TNC: variants seen among roughly 807,000 people sequenced by gnomAD.
The protein encoded by TNC is tenascin.
In TNC, 109 loss-of-function variants were observed where a neutral mutation model predicts 202.4. The ratio of observed to expected loss-of-function variants is 0.54; its 90% CI spans 0.46 to 0.63. The LOEUF is 0.63. TNC is among the 30% of genes least tolerant of loss of function. The pLI, the probability that TNC is intolerant of heterozygous loss-of-function variation, is 0.00. For synonymous variants in TNC, 1,007 were observed against 1,089.7 expected, an observed-to-expected ratio of 0.92 and a Z score of 1.50; for missense variants, 2,756 against 2,833.3, an observed-to-expected ratio of 0.97 and a Z score of 0.62.
At chr9:115,074,533 A>T (rs1564098300) in intron 9 of TNC, among the ~76,000 whole-genome samples, 1 of 152,224 alleles carries the variant, frequency 6.6e-6, no homozygotes, top group African/African-American at 2.4e-5. Context: ...ACTTGGTCTA[A>T]GGTATTCTTA....
intron 15 of TNC, chr9:115,053,005 T>G: frequency 1.4e-6 from 1 of 699,074 alleles, no homozygotes; most frequent in Non-Finnish European, 2.6e-6. Context: ...TGCCCAACTG[T>G]GGCTTTGGTT....
rs925539509 is a variant in TNC, at chr9:115,086,370, C to G, written c.1361G>C (p.Cys454Ser). The part of the protein sequence containing the change: ...HSRGRCVEGK[C>S]VCEQGFKGYD... The stretch of plus-strand genomic sequence containing the variant: ...GCCCTTGAAGCCTTGCTCACATACA[C>G]ATTTGCCCTCGACACAGCGGCCCCG... Residue 454 changes from cysteine (C) to serine (S), a missense_variant, in exon 3 of 28, where the codon TGT becomes TCT. Cys to Ser is a moderately radical substitution (Grantham distance 112). Around this residue, in one of 2 missense-constraint regions of TNC, gnomAD observed 2,559 missense variants for 2,546.0 expected, o/e 1.01. Transcript: ENST00000350763. 1.9e-6 allele frequency: 3 copies of G among 1,614,188 alleles called. No individual in the cohort carries two copies. In the Admixed American group the frequency reaches 5.0e-5, roughly 27 times the overall value.
At chr9:115,031,321 C>G (rs1829929752) in intron 23 of TNC, among the ~76,000 whole-genome samples, 1 of 152,184 alleles carries the variant, frequency 6.6e-6, no homozygotes, top group Admixed American at 6.5e-5. Context: ...TAAGGCACAC[C>G]TAGCAGGTGA....
At chr9:115,072,859 T>C (rs1007412291) in intron 10 of TNC, among the ~76,000 whole-genome samples, 10 of 152,202 alleles carry the variant, frequency 6.6e-5, no homozygotes, top group African/African-American at 2.4e-4. Context: ...GTGGCCAAAA[T>C]TGAATAGGCT....
chr9:115,020,512 A>C lies in TNC; in HGVS notation c.*645T>G, dbSNP rs960064061. 1 of 212,978 alleles carries C rather than the reference A, an allele frequency of 4.7e-6. No individual in the cohort carries two copies. The highest frequency in any genetic ancestry group is 2.3e-5 in the African/African-American group (1 of 42,922). 13.2% of individuals were successfully genotyped at this position (212,978 alleles called of 1,614,324 possible). On this transcript the variant is annotated 3_prime_UTR_variant, in exon 28 of 28. Transcript: ENST00000350763. The stretch of plus-strand genomic sequence containing the variant: ...GGCTTTGGTGAAATTCAGACTCAAC[A>C]ATTCAAAGCAAAATAACAAACTCAA...
Position 115,087,281 on chromosome 9 carries a change from A to G in TNC, c.458-8T>C, listed in dbSNP as rs1834841655. ...GCCTGGTGTCCAAGCGGCCTGCAACAAAAGAAACAGAAGTTCTCAGCCAGG... is the reference window on the plus strand; with the variant it reads ...GCCTGGTGTCCAAGCGGCCTGCAACGAAAGAAACAGAAGTTCTCAGCCAGG... On this transcript the variant is annotated splice_polypyrimidine_tract_variant and splice_region_variant and intron_variant, in intron 2 of 27. Transcript: ENST00000350763. 1 of 1,609,100 alleles carries G rather than the reference A, an allele frequency of 6.2e-7. No homozygotes were observed. The highest frequency in any genetic ancestry group is 1.1e-5 in the South Asian group (1 of 91,020).
chr9:115,034,119 G>C (rs920591553), intron 22 of TNC, among the ~76,000 whole-genome samples: 3 of 152,204 alleles, frequency 2.0e-5, no homozygotes, highest in Non-Finnish European at 4.4e-5. Context: ...GTAGGCTGAG[G>C]TTTACTCTCT....
At chr9:115,073,168 A>C (rs1307788825) in intron 10 of TNC, among the ~76,000 whole-genome samples, 4 of 152,254 alleles carry the variant, frequency 2.6e-5, no homozygotes, top group African/African-American at 4.8e-5. Context: ...TTTGTAGAAA[A>C]TAACAACAAC....
intron 10 of TNC, among the ~76,000 whole-genome samples, chr9:115,067,925 G>A (rs12345472): frequency 2.1e-4 from 32 of 151,928 alleles, no homozygotes; most frequent in African/African-American, 7.2e-4. Flanking sequence ...TGGATGCTAC[G>A]TGTGCCCCAT....
Position 115,030,477 on chromosome 9 carries a change from C to G in TNC, c.5921-72G>C, listed in dbSNP as rs184090880. 12 of 1,468,562 alleles carry G rather than the reference C, an allele frequency of 8.2e-6. No individual in the cohort carries two copies. In the Admixed American group the frequency reaches 1.3e-4, roughly 16 times the overall value. The allele number at this position is 1,468,562 out of a possible 1,614,324, so 91.0% of individuals were successfully genotyped here. On this transcript the variant is annotated intron_variant, in intron 23 of 27. Transcript: ENST00000350763. ...AGCTGGAGCTTAATTCTTAGCTTAA[C>G]TCTATGGACTAGAATGCCTGGGGAA... is the stretch of plus-strand genomic sequence containing the variant.
At chr9:115,076,831 G>A (rs1833900271) in intron 7 of TNC, among the ~76,000 whole-genome samples, 1 of 152,216 alleles carries the variant, frequency 6.6e-6, no homozygotes, top group Non-Finnish European at 1.5e-5. Flanking sequence ...AAGAAACAAT[G>A]CAAAGACTTA....
chr9:115,086,565 T>A lies in TNC; in HGVS notation c.1166A>T (p.Asp389Val). The A allele has an allele frequency of 1.2e-6, 2 of 1,614,032 alleles. No individual in the cohort carries two copies. Among genetic ancestry groups the A allele is most frequent in the Non-Finnish European group, 1.7e-6 (2 of 1,180,016 alleles). ...ACCATCATCACACTCACACCGCCCG[T>A]CTACACAGCGGCCACGATTGTGACA... ...ADCHNRGRCV[D>V]GRCECDDGFT... The change falls in exon 3 of 28, where the codon GAC becomes GTC. Residue 389 changes from aspartate to valine, a missense_variant. By Grantham distance (152) the Asp-to-Val change is radical. Transcript: ENST00000350763.
chr9:115,108,154 A>G (rs189846207), intron 1 of TNC, among the ~76,000 whole-genome samples: 2 of 152,216 alleles, frequency 1.3e-5, no homozygotes, highest in African/African-American at 4.8e-5. Context: ...GGGCATGCCT[A>G]TTTTGTCCCA....
At chr9:115,024,188 C>A (rs772296429) in intron 26 of TNC, 52 bp from the exon 27 acceptor site, 1 of 1,588,920 alleles carries the variant, frequency 6.3e-7, no homozygotes, top group South Asian at 1.1e-5. Flanking sequence ...AAATTTCCCT[C>A]CTGGACAGTA....
rs968535425 is a variant in TNC, at chr9:115,067,835, A to AT, written c.3215-2917dup. 5.7e-3 allele frequency among the ~76,000 whole-genome samples: 816 copies of AT among 142,834 alleles called. 5 individuals carry two copies. Among genetic ancestry groups the AT allele is most frequent in the East Asian group, 0.016 (78 of 4,966 alleles). 93.7% of individuals were successfully genotyped at this position (142,834 alleles called of 152,430 possible). On this transcript the variant is annotated intron_variant, in intron 10 of 27. Transcript: ENST00000350763. ...TAACACTTTTGGCTATTTCTCTACT[A>AT]TTTTTTTTTTTTGGTAGGCAAATCA...
chr9:115,098,485 A>G (rs1835963217), intron 1 of TNC, among the ~76,000 whole-genome samples: 2 of 152,326 alleles, frequency 1.3e-5, no homozygotes, highest in South Asian at 4.1e-4. Context: ...GAAATCAACA[A>G]TCTGATTTTT....
In TNC at chr9:115,084,206, C is replaced by T. The variant is rs563142430; in HGVS notation, c.2131+3G>A. The T allele has an allele frequency of 9.4e-5, 151 of 1,613,054 alleles. 3 individuals are homozygous for T. In the South Asian group the frequency reaches 1.6e-3, roughly 17 times the overall value. On this transcript the variant is annotated splice_donor_region_variant and intron_variant, in intron 4 of 27. Transcript: ENST00000350763. The stretch of plus-strand genomic sequence containing the variant: ...GCTGCCCAAAAGAGTTCTGCTCACT[C>T]ACACGTGGCCACCCTGGCGCTGACA...
chr9:115,115,357 C>A (rs965034800), intron 1 of TNC, among the ~76,000 whole-genome samples: 6 of 152,146 alleles, frequency 3.9e-5, no homozygotes, highest in African/African-American at 1.4e-4. Context: ...AGGAACACGG[C>A]AGAATGTACC....
intron 11 of TNC, 76 bp from the exon 12 acceptor site, chr9:115,064,144 G>A (rs932898991): frequency 1.4e-6 from 2 of 1,386,640 alleles, no homozygotes; most frequent in African/African-American, 2.9e-5. Context: ...ACAAGAATAA[G>A]CTGAATAATA....
Sources: allele counts gnomAD v4.1 joint callset (sites outside exome capture counted in the v4.1 genomes callset), GRCh38; gene constraint gnomAD v4.1.1; regional missense constraint gnomAD v4.1.1; transcripts MANE v1.5; gene names NCBI Gene and HGNC (gene_info 2026-07-23, HGNC 2026-07-21).